ARHGAP26: variants seen among roughly 807,000 people sequenced by gnomAD.
The protein encoded by ARHGAP26 is Rho GTPase activating protein 26, also known as rho GTPase-activating protein 26.
A neutral mutation model predicts 104.8 loss-of-function variants in ARHGAP26; 38 were observed. The ratio of observed to expected loss-of-function variants is 0.36; its 90% CI spans 0.28 to 0.48. The LOEUF is 0.48. ARHGAP26 is among the 20% of genes least tolerant of loss of function. ARHGAP26 has a pLI of 0.99. For missense variants in ARHGAP26, 704 were observed against 947.9 expected, an observed-to-expected ratio of 0.74 and a Z score of 3.38; for synonymous variants, 341 against 340.0, an observed-to-expected ratio of 1.00 and a Z score of -0.03.
At chr5:142,885,254 C>G in intron 4 of ARHGAP26, 44 bp from the exon 5 acceptor site, 1 of 1,534,550 alleles carries the variant, frequency 6.5e-7, no homozygotes, top group East Asian at 2.3e-5. Flanking sequence ...TTTATTCCTG[C>G]AACGTGTTAC....
At chr5:143,184,167 A>T (rs1260889907) in intron 20 of ARHGAP26, among the ~76,000 whole-genome samples, 2 of 152,210 alleles carry the variant, frequency 1.3e-5, no homozygotes, top group Non-Finnish European at 2.9e-5. Flanking sequence ...AGGCTATCCA[A>T]TACAGAGACA....
intron 5 of ARHGAP26, among the ~76,000 whole-genome samples, chr5:142,886,785 G>A (rs1757775684): frequency 6.6e-6 from 1 of 152,070 alleles, no homozygotes; most frequent in African/African-American, 2.4e-5. Context: ...GAGGATATGG[G>A]CACTATCCCA....
rs1239049981 is a variant in ARHGAP26, at chr5:143,014,214, C to T, written c.1144+98C>T. On this transcript the variant is annotated intron_variant, in intron 12 of 22. Coordinates refer to ENST00000645722, the MANE Select transcript of ARHGAP26 (RefSeq NM_001135608.3). Reference sequence around the variant, plus strand: ...GTGAACCACCAGGCGGTGCTGTGGGCGTGTTGGGTTGGCTCCAGTTCCCGA... The same window carrying T: ...GTGAACCACCAGGCGGTGCTGTGGGTGTGTTGGGTTGGCTCCAGTTCCCGA... 6.3e-6 allele frequency: 9 copies of T among 1,418,858 alleles called. No individual in the cohort carries two copies. In the Admixed American group the frequency reaches 8.5e-5, roughly 13 times the overall value. The allele number at this position is 1,418,858 out of a possible 1,614,324, so 87.9% of individuals were successfully genotyped here.
chr5:142,903,557 A>T lies in ARHGAP26; in HGVS notation c.720A>T (p.Glu240Asp). ...CATCCTAGACAAGAAATCGCTTTGA[A>T]GGCACTAGATCAGAAGTGGAATCAC... is the stretch of plus-strand genomic sequence containing the variant. ...ISIQNTRNRF[E>D]GTRSEVESLM... The change falls in exon 8 of 23, where the codon GAA becomes GAT. Residue 240 changes from glutamate to aspartate, a missense_variant. Glu to Asp is a conservative substitution (Grantham distance 45). Around this residue, in one of 6 missense-constraint regions of ARHGAP26, gnomAD observed 287 missense variants for 438.8 expected, o/e 0.65. Coordinates refer to ENST00000645722, the MANE Select transcript of ARHGAP26 (RefSeq NM_001135608.3). 6.2e-7 allele frequency: 1 copy of T among 1,612,790 alleles called. No individual in the cohort carries two copies. Among genetic ancestry groups the T allele is most frequent in the African/African-American group, 1.3e-5 (1 of 74,988 alleles).
chr5:142,866,508 T>C (rs1388118619), intron 1 of ARHGAP26, among the ~76,000 whole-genome samples: 1 of 152,206 alleles, frequency 6.6e-6, no homozygotes, highest in Non-Finnish European at 1.5e-5. Flanking sequence ...GTATATAATA[T>C]ATTCATAGTT....
chr5:143,020,293 C>T (rs1342049521), intron 12 of ARHGAP26, among the ~76,000 whole-genome samples: 3 of 152,160 alleles, frequency 2.0e-5, no homozygotes, highest in Non-Finnish European at 1.5e-5. Context: ...ATATGAGTAC[C>T]GAGAGGTAAG....
chr5:142,898,593 T>A (rs1351646611), intron 6 of ARHGAP26, among the ~76,000 whole-genome samples: 3 of 152,210 alleles, frequency 2.0e-5, no homozygotes, highest in Non-Finnish European at 4.4e-5. Flanking sequence ...TGGACCAGAA[T>A]GCACCTTCTA....
At chr5:143,089,368 A>G (rs942403073) in intron 17 of ARHGAP26, among the ~76,000 whole-genome samples, 1 of 152,182 alleles carries the variant, frequency 6.6e-6, no homozygotes, top group African/African-American at 2.4e-5. Flanking sequence ...AATTGAGGCT[A>G]TTATTCTTTT....
chr5:143,210,140 G>A (rs980912742), intron 21 of ARHGAP26, among the ~76,000 whole-genome samples: 3 of 152,122 alleles, frequency 2.0e-5, no homozygotes, highest in Non-Finnish European at 2.9e-5. Context: ...AAACATACCC[G>A]AGACTGGGAA....
At chr5:142,899,435 CT>C (rs1460389092) in intron 6 of ARHGAP26, among the ~76,000 whole-genome samples, 1 of 152,128 alleles carries the variant, frequency 6.6e-6, no homozygotes, top group African/African-American at 2.4e-5. Flanking sequence ...TATGGTTATT[CT>C]TTTAGGATAA....
intron 10 of ARHGAP26, among the ~76,000 whole-genome samples, chr5:142,913,719 A>C (rs1762131500): frequency 6.6e-6 from 1 of 152,196 alleles, no homozygotes; most frequent in East Asian, 1.9e-4. Context: ...ATTGAAATGG[A>C]AGAAATTTTT....
intron 11 of ARHGAP26, among the ~76,000 whole-genome samples, chr5:143,012,576 T>TATATATATATATATATATATATA (rs1554195628): frequency 1.7e-3 from 96 of 56,974 alleles, no homozygotes; most frequent in African/African-American, 2.3e-3. Context: ...TATATATATA[T>TATATATATATATATATATATATA]TATGATCAGG....
At chr5:143,130,265 G>C (rs1281989924) in intron 18 of ARHGAP26, among the ~76,000 whole-genome samples, 1 of 152,200 alleles carries the variant, frequency 6.6e-6, no homozygotes, top group Non-Finnish European at 1.5e-5. Context: ...ATACTTAGAA[G>C]AGTTACCCAG....
intron 1 of ARHGAP26, among the ~76,000 whole-genome samples, chr5:142,858,945 T>C (rs1752855956): frequency 6.6e-6 from 1 of 152,220 alleles, no homozygotes; most frequent in Non-Finnish European, 1.5e-5. Context: ...CTAGGCTTTG[T>C]GGCCGGATGG....
intron 12 of ARHGAP26, among the ~76,000 whole-genome samples, chr5:143,023,717 A>T (rs1188523167): frequency 6.6e-6 from 1 of 152,304 alleles, no homozygotes; most frequent in South Asian, 2.1e-4. Flanking sequence ...GGTGGAAGGC[A>T]TTAATGGGCA....
intron 20 of ARHGAP26, chr5:143,192,607 C>T (rs1420711000): frequency 6.6e-6 from 1 of 152,184 alleles, no homozygotes; most frequent in Non-Finnish European, 1.5e-5. Flanking sequence ...AGTTTGCTGA[C>T]TTGGAGACCC....
intron 20 of ARHGAP26, among the ~76,000 whole-genome samples, chr5:143,167,294 C>T (rs1423744137): frequency 7.1e-6 from 1 of 140,572 alleles, no homozygotes; most frequent in East Asian, 2.1e-4. Context: ...TTGTTGAAAC[C>T]TCATCTCTAC....
intron 1 of ARHGAP26, among the ~76,000 whole-genome samples, chr5:142,794,659 C>T (rs1760597957): frequency 6.6e-6 from 1 of 152,038 alleles, no homozygotes; most frequent in Non-Finnish European, 1.5e-5. Flanking sequence ...GAGTTAAGTG[C>T]CTAGAGAGTA....
At chr5:143,053,856 CTTG>C (rs1785390203) in intron 14 of ARHGAP26, among the ~76,000 whole-genome samples, 1 of 152,106 alleles carries the variant, frequency 6.6e-6, no homozygotes, top group South Asian at 2.1e-4. Context: ...ATAGACATAT[CTTG>C]TTTTTTTTTA....
Sources: allele counts gnomAD v4.1 joint callset (sites outside exome capture counted in the v4.1 genomes callset), GRCh38; gene constraint gnomAD v4.1.1; regional missense constraint gnomAD v4.1.1; transcripts MANE v1.5; gene names NCBI Gene and HGNC (gene_info 2026-07-23, HGNC 2026-07-21).